INA: variants seen among roughly 807,000 people sequenced by gnomAD.
INA encodes alpha-internexin.
A neutral mutation model predicts 40.1 loss-of-function variants in INA; 35 were observed. That is an observed-to-expected ratio of 0.87 (90% CI 0.67 to 1.16). The LOEUF (loss-of-function observed/expected upper bound fraction) is 1.16, where lower values mean the gene tolerates loss of function less well. INA is among the 50% of genes most tolerant of loss of function. The probability of loss-of-function intolerance (pLI) is 0.00; values close to 1 mark genes in which losing one functional copy is unlikely to be tolerated. For missense variants in INA, 594 were observed against 686.7 expected (o/e 0.87, Z 1.51); for synonymous variants, 290 against 316.9 (o/e 0.92, Z 0.90).
chr10:103,283,471 G>A (rs2093077134), intron 1 of INA, among the ~76,000 whole-genome samples: 1 of 152,176 alleles, frequency 6.6e-6, no homozygotes, highest in Admixed American at 6.5e-5. Context: ...TCACGGTCCA[G>A]TATAATACGT....
At chr10:103,286,016 G>A (rs893050475) in intron 1 of INA, among the ~76,000 whole-genome samples, 3 of 151,866 alleles carry the variant, frequency 2.0e-5, no homozygotes, top group African/African-American at 7.3e-5. Flanking sequence ...CAATGAACTT[G>A]GTATAGTTAA....
In INA at chr10:103,288,648, C is replaced by A; in HGVS notation, c.1479C>A (p.Thr493=). 1 of 1,572,252 alleles carries A rather than the reference C, an allele frequency of 6.4e-7. No homozygotes were observed. The highest frequency in any genetic ancestry group is 8.6e-7 in the Non-Finnish European group (1 of 1,162,992). The change falls in exon 3 of 3, where the codon ACC becomes ACA. Residue 493 remains threonine, a synonymous_variant. Coordinates refer to ENST00000369849, the MANE Select transcript of INA (RefSeq NM_032727.4). ...KTEKSNIEET[T]ISSQKI ...AGAAATCAAATATAGAAGAAACCAC[C>A]ATTTCAAGCCAAAAAATATAATTCC...
intron 1 of INA, among the ~76,000 whole-genome samples, chr10:103,279,368 T>C (rs916651655): frequency 6.6e-6 from 1 of 152,214 alleles, no homozygotes; most frequent in Non-Finnish European, 1.5e-5. Flanking sequence ...TTCCCTGTCC[T>C]CTAAGCTCCT....
At position 103,277,500 on chromosome 10, in the gene INA, C is replaced by T; in HGVS notation, c.289C>T (p.Gln97Ter). The stretch of plus-strand genomic sequence containing the variant: ...GATCATCCGCACCAACGAGAAGGAG[C>T]AGCTGCAGGGCCTCAACGACCGCTT... ...YKIIRTNEKE[Q>*]LQGLNDRFAV... The change falls in exon 1 of 3, where the codon CAG (glutamine) becomes TAG (stop). Residue 97 changes from glutamine to a stop codon, truncating the protein, a stop_gained. Coordinates refer to ENST00000369849, the MANE Select transcript of INA (RefSeq NM_032727.4). LOFTEE classifies it high-confidence loss of function. The surrounding 1 kb of genome is among the most constrained non-coding windows in gnomAD (Gnocchi z 5.6). 1 of 1,589,848 alleles carries T rather than the reference C, an allele frequency of 6.3e-7. No individual in the cohort carries two copies.
Position 103,277,964 on chromosome 10 carries a change from G to T in INA, c.753G>T (p.Glu251Asp). Reference protein sequence around the residue: ...TLQASSQAAAEVDVTVAKPDL... With the variant: ...TLQASSQAAADVDVTVAKPDL... The stretch of plus-strand genomic sequence containing the variant: ...AGGCGTCGTCGCAGGCCGCGGCCGA[G>T]GTGGACGTGACTGTGGCTAAACCAG... The change falls in exon 1 of 3, where the codon GAG (glutamate) becomes GAT (aspartate). Residue 251 changes from glutamate (E) to aspartate (D), a missense_variant. By Grantham distance (45) the Glu-to-Asp change is conservative. Transcript: ENST00000369849. This position sits in a 1 kb window ranked among gnomAD's most constrained non-coding sequence, Gnocchi z 5.6. 1 of 1,570,966 alleles carries T rather than the reference G, an allele frequency of 6.4e-7. No individual in the cohort carries two copies. Among genetic ancestry groups the T allele is most frequent in the Non-Finnish European group, 8.6e-7 (1 of 1,159,060 alleles).
chr10:103,288,696 T>G lies in INA; in HGVS notation c.*27T>G. The G allele has an allele frequency of 7.0e-7, 1 of 1,428,322 alleles. No homozygotes were observed. Among genetic ancestry groups the G allele is most frequent in the Non-Finnish European group, 9.5e-7 (1 of 1,048,596 alleles). The allele number at this position is 1,428,322 out of a possible 1,614,324, so 88.5% of individuals were successfully genotyped here. A position where few individuals can be genotyped will look rare whatever the true frequency, so the allele number is the denominator to read the frequency against. ...TCCATTGCTTTGAAAAAGTTAATGC[T>G]TAAGAGGGAATGATATGCATTTGAC... On this transcript the variant is annotated 3_prime_UTR_variant, in exon 3 of 3. Coordinates refer to ENST00000369849, the MANE Select transcript of INA (RefSeq NM_032727.4).
intron 1 of INA, among the ~76,000 whole-genome samples, chr10:103,285,270 C>T (rs974395154): frequency 2.0e-5 from 3 of 151,530 alleles, no homozygotes; most frequent in Middle Eastern, 6.8e-3. Flanking sequence ...AGGCATGAGC[C>T]ATCGTGCCTG....
Position 103,277,649 on chromosome 10 carries a change from G to GCTGCGCGAC in INA, c.446_454dup (p.Asp149_Arg151dup), listed in dbSNP as rs1224313096. ...GCGTCGGCGAGCTCTTCCAGCGCGAGCTGCGCGACCTGCGCGCGCAGCTGG... is the reference window on the plus strand; with the variant it reads ...GCGTCGGCGAGCTCTTCCAGCGCGAGCTGCGCGACCTGCGCGACCTGCGCGCGCAGCTGG... On this transcript the variant is annotated inframe_insertion, in exon 1 of 3. Transcript: ENST00000369849. This position sits in a 1 kb window ranked among gnomAD's most constrained non-coding sequence, Gnocchi z 5.6. The GCTGCGCGAC allele has an allele frequency of 2.3e-5, 32 of 1,405,888 alleles. No homozygotes were observed. Among genetic ancestry groups the GCTGCGCGAC allele is most frequent in the African/African-American group, 3.0e-5 (2 of 66,124 alleles). 87.1% of individuals were successfully genotyped at this position (1,405,888 alleles called of 1,614,324 possible).
intron 1 of INA, chr10:103,280,065 C>A: frequency 2.4e-6 from 3 of 1,243,738 alleles, no homozygotes; most frequent in Non-Finnish European, 3.1e-6. Flanking sequence ...CTTGTTATAG[C>A]CCATACATTC....
At chr10:103,280,697 A>C in intron 1 of INA, 1 of 985,484 alleles carries the variant, frequency 1.0e-6, no homozygotes, top group Non-Finnish European at 1.2e-6. Context: ...ATTCACGGTG[A>C]CACAGTAAGT....
At chr10:103,288,312 G>C (rs779656903) in intron 2 of INA, 48 bp from the exon 3 acceptor site, 2 of 1,502,418 alleles carry the variant, frequency 1.3e-6, no homozygotes, top group South Asian at 2.6e-5. Context: ...AGTTCTGGGG[G>C]GGAAAAGTTA....
At position 103,278,787 on chromosome 10, in the gene INA, G is replaced by C. The variant is rs775880485; in HGVS notation, c.1065+511G>C. On this transcript the variant is annotated intron_variant, in intron 1 of 2. Coordinates refer to ENST00000369849, the MANE Select transcript of INA (RefSeq NM_032727.4). The surrounding 1 kb of genome is among the most constrained non-coding windows in gnomAD (Gnocchi z 4.9). The stretch of plus-strand genomic sequence containing the variant: ...CCTATCCCATTTTCTTGACTTTCGC[G>C]CTCCAAAAAGTAGAGATTGGGAGCC... Among the ~76,000 whole-genome samples, 1 of 151,664 alleles carries C rather than the reference G, an allele frequency of 6.6e-6. No homozygotes were observed. Among genetic ancestry groups the C allele is most frequent in the African/African-American group, 2.4e-5 (1 of 41,280 alleles).
chr10:103,284,733 A>G (rs1183231086), intron 1 of INA, among the ~76,000 whole-genome samples: 4 of 151,764 alleles, frequency 2.6e-5, no homozygotes. Flanking sequence ...CAGCCTGGGT[A>G]ACAGAGCAAG....
chr10:103,284,041 T>G (rs2093079262), intron 1 of INA, among the ~76,000 whole-genome samples: 1 of 151,986 alleles, frequency 6.6e-6, no homozygotes, highest in Admixed American at 6.6e-5. Flanking sequence ...AGTGCTGGGA[T>G]TACAGGCATG....
Position 103,278,033 on chromosome 10 carries a change from C to T in INA, c.822C>T (p.Ser274=), listed in dbSNP as rs777500814. The change falls in exon 1 of 3, where the codon TCC becomes TCT. Residue 274 remains serine (S), a synonymous_variant. Transcript: ENST00000369849. This position sits in a 1 kb window ranked among gnomAD's most constrained non-coding sequence, Gnocchi z 4.9. ...ALREIRAQYE[S]LAAKNLQSAE... ...GGGAGATCCGCGCCCAGTATGAGTC[C>T]CTGGCCGCTAAGAACCTGCAGTCCG... 30 of 1,612,128 alleles carry T rather than the reference C, an allele frequency of 1.9e-5. No homozygotes were observed. The Admixed American group carries it at 4.4e-4, about 23-fold the overall frequency.
chr10:103,278,214 T>C lies in INA; in HGVS notation c.1003T>C (p.Ser335Pro). ...CGAGGGCCTGCGCGGGGCCAACGAG[T>C]CCTTGGAGAGGCAGATCCTGGAGCT... Reference protein sequence around the residue: ...EIEGLRGANESLERQILELEE... With the variant: ...EIEGLRGANEPLERQILELEE... The change falls in exon 1 of 3, where the codon TCC becomes CCC. Residue 335 changes from serine (S) to proline (P), a missense_variant. Transcript: ENST00000369849. This position sits in a 1 kb window ranked among gnomAD's most constrained non-coding sequence, Gnocchi z 4.9. 1 of 1,599,318 alleles carries C rather than the reference T, an allele frequency of 6.3e-7. No homozygotes were observed. The highest frequency in any genetic ancestry group is 8.5e-7 in the Non-Finnish European group (1 of 1,174,214).
In INA at chr10:103,277,599, C is replaced by G. The variant is rs551143717; in HGVS notation, c.388C>G (p.Arg130Gly). The change falls in exon 1 of 3, where the codon CGA (arginine) becomes GGA (glycine). Residue 130 changes from arginine (R) to glycine (G), a missense_variant. This residue lies in a region of INA where 215 missense variants were observed against 190.6 expected (regional missense o/e 1.13). Coordinates refer to ENST00000369849, the MANE Select transcript of INA (RefSeq NM_032727.4). This position sits in a 1 kb window ranked among gnomAD's most constrained non-coding sequence, Gnocchi z 5.6. Reference sequence around the variant, plus strand: ...GTTGGAGGCCGAGCTGGCCGCGCTGCGACAGCGCCACGCTGAGCCGTCGCG... The same window carrying G: ...GTTGGAGGCCGAGCTGGCCGCGCTGGGACAGCGCCACGCTGAGCCGTCGCG... ...RALEAELAAL[R>G]QRHAEPSRVG... 1 of 1,552,008 alleles carries G rather than the reference C, an allele frequency of 6.4e-7. No homozygotes were observed. Among genetic ancestry groups the G allele is most frequent in the African/African-American group, 1.4e-5 (1 of 70,924 alleles).
At chr10:103,287,966 T>C (rs1161232567) in intron 2 of INA, among the ~76,000 whole-genome samples, 2 of 152,174 alleles carry the variant, frequency 1.3e-5, no homozygotes, top group African/African-American at 2.4e-5. Context: ...ACCACCTTTG[T>C]GGACATCTCA....
At chr10:103,286,335 C>CAA (rs71019675) in intron 1 of INA, among the ~76,000 whole-genome samples, 1,256 of 51,164 alleles carry the variant, frequency 0.025, 39 homozygotes, top group African/African-American at 0.063. Flanking sequence ...GACCTTGTCT[C>CAA]AAAAAAAAAA....
Sources: allele counts gnomAD v4.1 joint callset (sites outside exome capture counted in the v4.1 genomes callset), GRCh38; gene constraint gnomAD v4.1.1; regional missense constraint gnomAD v4.1.1; non-coding constraint Gnocchi (gnomAD v3.1); transcripts MANE v1.5; gene names NCBI Gene and HGNC (gene_info 2026-07-23, HGNC 2026-07-21).